PLEKHA7: variants seen among roughly 807,000 people sequenced by gnomAD.
PLEKHA7 encodes the protein pleckstrin homology domain containing A7.
In PLEKHA7, 104 loss-of-function variants were observed where a neutral mutation model predicts 170.0. The ratio of observed to expected loss-of-function variants is 0.61; its 90% CI spans 0.52 to 0.72. PLEKHA7 has a LOEUF of 0.72. Among genes scored for constraint, PLEKHA7 ranks in the 30% least tolerant of loss-of-function variants. The pLI is 0.00. For synonymous variants in PLEKHA7, 648 were observed against 660.8 expected (o/e 0.98, Z 0.30); for missense variants, 1,615 against 1,671.7 (o/e 0.97, Z 0.59).
chr11:16,948,056 T>C (rs1861160342), intron 3 of PLEKHA7, among the ~76,000 whole-genome samples: 1 of 152,182 alleles, frequency 6.6e-6, no homozygotes, highest in African/African-American at 2.4e-5. Context: ...GGAATTTATG[T>C]TGTAAAGCAA....
intron 3 of PLEKHA7, among the ~76,000 whole-genome samples, chr11:16,907,678 G>A (rs1252607231): frequency 2.2e-5 from 3 of 133,710 alleles, no homozygotes; most frequent in Non-Finnish European, 3.4e-5. Context: ...CGCCCCGTCC[G>A]GGAGGTGAGG....
intron 3 of PLEKHA7, among the ~76,000 whole-genome samples, chr11:16,948,551 T>C (rs1861195172): frequency 6.6e-6 from 1 of 152,046 alleles, no homozygotes; most frequent in Admixed American, 6.6e-5. Flanking sequence ...ATAGGTAAGA[T>C]GGTATCTGCA....
At chr11:16,907,244 G>A (rs1314976033) in intron 3 of PLEKHA7, among the ~76,000 whole-genome samples, 22 of 131,292 alleles carry the variant, frequency 1.7e-4, no homozygotes, top group African/African-American at 3.2e-4. Flanking sequence ...CAGCCGCCCC[G>A]TCCGGGAAGG....
rs1418848569 is a variant in PLEKHA7, at chr11:16,789,393, T to A, written c.3157-97A>T. 4 of 1,164,050 alleles carry A rather than the reference T, an allele frequency of 3.4e-6. No individual in the cohort carries two copies. The highest frequency in any genetic ancestry group is 3.8e-6 in the Non-Finnish European group (3 of 793,678). The allele number at this position is 1,164,050 out of a possible 1,614,324, so 72.1% of individuals were successfully genotyped here. ...TGGCTGCATTCCCGTTGTCTCTCTC[T>A]CACACACATGCACACTCTAGTTGGG... On this transcript the variant is annotated intron_variant, in intron 22 of 26. Coordinates refer to ENST00000531066, the MANE Select transcript of PLEKHA7 (RefSeq NM_001329630.2). The surrounding 1 kb of genome is among the most constrained non-coding windows in gnomAD (Gnocchi z 4.6).
intron 3 of PLEKHA7, among the ~76,000 whole-genome samples, chr11:16,999,730 C>A (rs12283582): frequency 1.1e-4 from 17 of 152,318 alleles, no homozygotes; most frequent in African/African-American, 3.8e-4. Flanking sequence ...GAGCTTCAGA[C>A]AGGCTATCGC....
chr11:17,008,046 CT>C (rs1865116759), intron 3 of PLEKHA7, among the ~76,000 whole-genome samples: 1 of 152,152 alleles, frequency 6.6e-6, no homozygotes, highest in African/African-American at 2.4e-5. Flanking sequence ...AGTCCTGCCC[CT>C]AGGACCTGCT....
chr11:16,885,476 C>G (rs530319208), intron 3 of PLEKHA7, among the ~76,000 whole-genome samples: 6 of 144,646 alleles, frequency 4.1e-5, no homozygotes, highest in Non-Finnish European at 7.6e-5. Flanking sequence ...CTGGCCAAAA[C>G]AGTGAAACCT....
chr11:16,905,643 G>A (rs1857608543), intron 3 of PLEKHA7, among the ~76,000 whole-genome samples: 2 of 152,130 alleles, frequency 1.3e-5, no homozygotes, highest in African/African-American at 4.8e-5. Context: ...TGGGTAAGAA[G>A]GCCTCAGAAA....
At chr11:16,838,444 T>C (rs1014123634) in intron 9 of PLEKHA7, among the ~76,000 whole-genome samples, 1 of 151,068 alleles carries the variant, frequency 6.6e-6, no homozygotes, top group African/African-American at 2.4e-5. Context: ...GCCCAGGAGT[T>C]CGAGGCTGCA....
intron 13 of PLEKHA7, 118 bp downstream of exon 13, chr11:16,812,995 T>G: frequency 1.3e-6 from 1 of 745,334 alleles, no homozygotes; most frequent in Non-Finnish European, 2.3e-6. Flanking sequence ...GACATATTGA[T>G]TTAGAATTCA....
At chr11:16,882,980 T>A (rs938246934) in intron 3 of PLEKHA7, among the ~76,000 whole-genome samples, 2 of 152,104 alleles carry the variant, frequency 1.3e-5, no homozygotes, top group Non-Finnish European at 2.9e-5. Flanking sequence ...AGGTAAATTA[T>A]ATTATCTTCA....
intron 3 of PLEKHA7, among the ~76,000 whole-genome samples, chr11:16,953,036 A>T (rs1322684164): frequency 1.3e-5 from 2 of 152,284 alleles, no homozygotes; most frequent in African/African-American, 2.4e-5. Flanking sequence ...GGGTCAGCCC[A>T]AGATTTGGGG....
intron 14 of PLEKHA7, 55 bp downstream of exon 14, chr11:16,803,172 C>A (rs1485813439): frequency 6.3e-7 from 1 of 1,579,928 alleles, no homozygotes; most frequent in East Asian, 2.2e-5. Context: ...GCTGTTCACC[C>A]GGGGTCTGGG....
At chr11:16,795,652 G>A (rs1417799592) in intron 17 of PLEKHA7, among the ~76,000 whole-genome samples, 1 of 151,724 alleles carries the variant, frequency 6.6e-6, no homozygotes, top group Admixed American at 6.6e-5. Context: ...AGCCAGGCAT[G>A]GTGGTGTGCG....
At chr11:16,970,533 GGTGT>G (rs566639469) in intron 3 of PLEKHA7, among the ~76,000 whole-genome samples, 122 of 152,198 alleles carry the variant, frequency 8.0e-4, no homozygotes, top group African/African-American at 2.8e-3. Flanking sequence ...CAGATGTGGT[GGTGT>G]GTGCCTGTAG....
intron 3 of PLEKHA7, among the ~76,000 whole-genome samples, chr11:16,998,265 C>T (rs745497334): frequency 6.6e-6 from 1 of 152,100 alleles, no homozygotes; most frequent in Non-Finnish European, 1.5e-5. Context: ...TCACTAGCAC[C>T]CTTGAACTGA....
chr11:17,004,743 G>A (rs909769942), intron 3 of PLEKHA7, among the ~76,000 whole-genome samples: 9 of 151,704 alleles, frequency 5.9e-5, no homozygotes, highest in Admixed American at 2.0e-4. Flanking sequence ...CCAAATTCCC[G>A]CACTAAAAAA....
At chr11:16,990,285 A>AAAAAAAAAAAAAAAC (rs1863960707) in intron 3 of PLEKHA7, among the ~76,000 whole-genome samples, 1 of 126,674 alleles carries the variant, frequency 7.9e-6, no homozygotes, top group Non-Finnish European at 1.7e-5. Context: ...AAAAAAAAAA[A>AAAAAAAAAAAAAAAC]AAAAAAAAAA....
chr11:16,786,977 G>T (rs1250753767), intron 23 of PLEKHA7: 11 of 984,974 alleles, frequency 1.1e-5, no homozygotes, highest in African/African-American at 1.7e-5. Context: ...ATCTATTTGA[G>T]ATAGATGTTT....
Sources: gnomAD v4.1 joint callset for allele counts (sites outside exome capture counted in the v4.1 genomes callset) on GRCh38, gnomAD v4.1.1 for gene constraint, Gnocchi (gnomAD v3.1) non-coding constraint, MANE v1.5 for transcripts, NCBI Gene and HGNC (gene_info 2026-07-23, HGNC 2026-07-21) for gene names.